The following SGMS1 variants were observed in gnomAD, a reference collection of about 807,000 sequenced individuals.
SGMS1 encodes the protein sphingomyelin synthase 1.
In SGMS1, 13 loss-of-function variants were observed where a neutral mutation model predicts 46.2. The observed-to-expected ratio is 0.28, with a 90% CI of 0.18 to 0.45. The LOEUF (loss-of-function observed/expected upper bound fraction) is 0.45, where lower values mean the gene tolerates loss of function less well. SGMS1 is among the 20% of genes least tolerant of loss of function. SGMS1 has a pLI of 1.00. For missense variants in SGMS1, 324 were observed against 519.9 expected, an observed-to-expected ratio of 0.62 and a Z score of 3.66; for synonymous variants, 203 against 187.8, an observed-to-expected ratio of 1.08 and a Z score of -0.66.
At chr10:50,480,417 T>A (rs1383543909) in intron 3 of SGMS1, among the ~76,000 whole-genome samples, 1 of 151,870 alleles carries the variant, frequency 6.6e-6, no homozygotes, top group Admixed American at 6.6e-5. Flanking sequence ...GGCGAATGAA[T>A]CCTGCACCTT....
At chr10:50,396,854 C>G (rs1407405359) in intron 6 of SGMS1, among the ~76,000 whole-genome samples, 1 of 152,166 alleles carries the variant, frequency 6.6e-6, no homozygotes, top group Non-Finnish European at 1.5e-5. Context: ...GTCCCCTCCC[C>G]TCAATGCATC....
chr10:50,323,312 G>A (rs983828572), intron 8 of SGMS1, among the ~76,000 whole-genome samples: 6 of 152,120 alleles, frequency 3.9e-5, no homozygotes, highest in African/African-American at 1.4e-4. Context: ...CATTTTAATG[G>A]CATAGTGAAA....
At chr10:50,319,319 G>A (rs1458577490) in intron 8 of SGMS1, among the ~76,000 whole-genome samples, 1 of 151,666 alleles carries the variant, frequency 6.6e-6, no homozygotes, top group African/African-American at 2.4e-5. Context: ...TTTTTTCCTG[G>A]GTCCCTTGGG....
chr10:50,523,049 C>A (rs1413301155), intron 2 of SGMS1, among the ~76,000 whole-genome samples: 2 of 152,146 alleles, frequency 1.3e-5, no homozygotes, highest in Non-Finnish European at 2.9e-5. Context: ...AGTGTTCAAG[C>A]AGGAAACCAG....
At chr10:50,372,016 T>A (rs1358836566) in intron 6 of SGMS1, among the ~76,000 whole-genome samples, 1 of 152,196 alleles carries the variant, frequency 6.6e-6, no homozygotes, top group Non-Finnish European at 1.5e-5. Context: ...GGGGAACACA[T>A]TCAAACCACC....
intron 1 of SGMS1, among the ~76,000 whole-genome samples, chr10:50,616,498 C>T (rs1838799012): frequency 1.3e-5 from 2 of 152,112 alleles, no homozygotes; most frequent in Admixed American, 1.3e-4. Flanking sequence ...TAAGCAACAA[C>T]TCTGTTTCAA....
At chr10:50,347,842 A>G (rs1847939319) in intron 6 of SGMS1, among the ~76,000 whole-genome samples, 1 of 152,222 alleles carries the variant, frequency 6.6e-6, no homozygotes, top group Admixed American at 6.5e-5. Flanking sequence ...TCAAGAGATA[A>G]TCAACTTTTT....
intron 6 of SGMS1, among the ~76,000 whole-genome samples, chr10:50,371,262 G>T (rs932189070): frequency 2.0e-5 from 3 of 152,232 alleles, no homozygotes; most frequent in African/African-American, 7.2e-5. Context: ...CCAAAATGTC[G>T]TTATGCCACG....
chr10:50,377,935 T>C (rs991937239), intron 6 of SGMS1, among the ~76,000 whole-genome samples: 1 of 152,212 alleles, frequency 6.6e-6, no homozygotes, highest in Non-Finnish European at 1.5e-5. Flanking sequence ...TAAGGATACA[T>C]ATGATTGCAT....
intron 2 of SGMS1, among the ~76,000 whole-genome samples, chr10:50,572,424 G>C (rs994899865): frequency 3.4e-4 from 52 of 152,080 alleles, no homozygotes; most frequent in African/African-American, 1.2e-3. Context: ...CCTTGCCTGT[G>C]AAATGACAGA....
intron 6 of SGMS1, among the ~76,000 whole-genome samples, chr10:50,358,311 T>C (rs1319878470): frequency 6.6e-6 from 1 of 152,174 alleles, no homozygotes. Context: ...TAAAGGGCAA[T>C]ACAAATCAAG....
At chr10:50,388,377 T>C (rs567348453) in intron 6 of SGMS1, among the ~76,000 whole-genome samples, 2 of 151,274 alleles carry the variant, frequency 1.3e-5, no homozygotes, top group African/African-American at 2.4e-5. Context: ...CTCATGCCTG[T>C]AATCCCAGCA....
intron 3 of SGMS1, among the ~76,000 whole-genome samples, chr10:50,479,788 T>C (rs1837459864): frequency 6.6e-6 from 1 of 152,162 alleles, no homozygotes. Context: ...TTTTTATATA[T>C]ACATCATTAT....
At chr10:50,566,267 A>G (rs1266529627) in intron 2 of SGMS1, among the ~76,000 whole-genome samples, 2 of 152,220 alleles carry the variant, frequency 1.3e-5, no homozygotes, top group Non-Finnish European at 2.9e-5. Context: ...GTAAAATTCA[A>G]TGAGTCTGCC....
At chr10:50,532,804 A>G (rs550019299) in intron 2 of SGMS1, among the ~76,000 whole-genome samples, 13 of 152,330 alleles carry the variant, frequency 8.5e-5, no homozygotes, top group Non-Finnish European at 7.3e-5. Context: ...TTATTGCTAC[A>G]TGGATCAGGT....
rs77466521 is a variant in SGMS1 at position 50,419,711 on chromosome 10, T to C, written c.-232+13765A>G. On this transcript the variant is annotated intron_variant, in intron 6 of 10. Transcript: ENST00000361781. ...GAGGTCCCATTAAGAAATGAGTTGATTGCTATTGCCAAAAGAGAATTTCTA... is the reference window on the plus strand; with the variant it reads ...GAGGTCCCATTAAGAAATGAGTTGACTGCTATTGCCAAAAGAGAATTTCTA... 6.2e-3 allele frequency among the ~76,000 whole-genome samples: 951 copies of C among 152,288 alleles called. 8 individuals carry two copies. The highest frequency in any genetic ancestry group is 0.021 in the African/African-American group (867 of 41,556).
upstream of SGMS1, chr10:50,625,134 A>C (rs371315369): frequency 3.2e-5 from 29 of 905,982 alleles, no homozygotes; most frequent in East Asian, 9.5e-4. Context: ...TGCCCAGAGG[A>C]CAGGTTCTCG....
chr10:50,403,391 T>C (rs910677501), intron 6 of SGMS1, among the ~76,000 whole-genome samples: 1 of 152,182 alleles, frequency 6.6e-6, no homozygotes, highest in Non-Finnish European at 1.5e-5. Context: ...AGATAAGAAA[T>C]GAAAGTATTC....
intron 6 of SGMS1, among the ~76,000 whole-genome samples, chr10:50,406,360 T>A (rs1849014488): frequency 6.6e-6 from 1 of 152,090 alleles, no homozygotes; most frequent in South Asian, 2.1e-4. Context: ...TCTCAAACAG[T>A]TTTTAGCAGA....
Sources: allele counts gnomAD v4.1 joint callset (sites outside exome capture counted in the v4.1 genomes callset), GRCh38; gene constraint gnomAD v4.1.1; transcripts MANE v1.5; gene names NCBI Gene and HGNC (gene_info 2026-07-23, HGNC 2026-07-21).